CDH12: variants seen among roughly 807,000 people sequenced by gnomAD.
CDH12 encodes cadherin-12.
CDH12 carries 41 observed loss-of-function variants against 74.1 expected under a neutral mutation model. The observed-to-expected ratio is 0.55, with a 90% confidence interval of 0.43 to 0.72. The LOEUF is 0.72. Ranked by LOEUF, CDH12 falls within the 30% of genes least tolerant of loss-of-function variation. The pLI is 0.00. For synonymous variants in CDH12, 399 were observed against 355.0 expected (o/e 1.12, Z -1.39); for missense variants, 945 against 977.2 (o/e 0.97, Z 0.44).
At chr5:22,403,883 A>G (rs1201915291) in intron 3 of CDH12, among the ~76,000 whole-genome samples, 1 of 152,194 alleles carries the variant, frequency 6.6e-6, no homozygotes, top group Admixed American at 6.6e-5. Flanking sequence ...GATTTTTTAA[A>G]ATGACCATCA....
At chr5:22,708,843 G>A (rs1459449905) in intron 1 of CDH12, among the ~76,000 whole-genome samples, 2 of 152,042 alleles carry the variant, frequency 1.3e-5, no homozygotes, top group Non-Finnish European at 2.9e-5. Context: ...TCAGAGAATC[G>A]CAAAAGCACT....
At chr5:22,175,473 A>C (rs1378752937) in intron 4 of CDH12, among the ~76,000 whole-genome samples, 1 of 152,094 alleles carries the variant, frequency 6.6e-6, no homozygotes, top group African/African-American at 2.4e-5. Context: ...GAATGAAAAA[A>C]AATATATGTA....
At chr5:22,219,523 C>A (rs1232144140) in intron 3 of CDH12, among the ~76,000 whole-genome samples, 1 of 151,646 alleles carries the variant, frequency 6.6e-6, no homozygotes, top group Non-Finnish European at 1.5e-5. Flanking sequence ...CTGCTATCTG[C>A]CTTGCTGACT....
In CDH12 at chr5:22,038,558, G is replaced by T. The variant is rs189652158; in HGVS notation, c.231+39888C>A. On this transcript the variant is annotated intron_variant, in intron 5 of 14. Coordinates refer to ENST00000382254, the MANE Select transcript of CDH12 (RefSeq NM_004061.5). ...TCCTTGCTGTGCCCTGTCTCTAGGG[G>T]CCTCTGCTGAAGTTTCACATTGCCT... Among the ~76,000 whole-genome samples, 148 of 152,284 alleles carry T rather than the reference G, an allele frequency of 9.7e-4. 2 individuals are homozygous for T. Among genetic ancestry groups the T allele is most frequent in the Non-Finnish European group, 1.5e-4 (10 of 68,022 alleles).
chr5:22,052,976 G>A (rs572671880), intron 5 of CDH12, among the ~76,000 whole-genome samples: 1 of 151,848 alleles, frequency 6.6e-6, no homozygotes, highest in Non-Finnish European at 1.5e-5. Context: ...TTTTAAAAGA[G>A]ATGCTTAAAG....
intron 2 of CDH12, among the ~76,000 whole-genome samples, chr5:22,423,401 G>GGT (rs1226663407): frequency 6.6e-6 from 1 of 152,066 alleles, no homozygotes; most frequent in Non-Finnish European, 1.5e-5. Flanking sequence ...ATCCAGTCTA[G>GGT]AAAAACTCGT....
Position 22,771,555 on chromosome 5 carries a change from AT to A in CDH12, c.-523+81502del, listed in dbSNP as rs571392220. ...TTTATTACTCCTATAACTGAAAAAA[AT>A]ATTTTTATTTATTCCTTTAGTCTCT... On this transcript the variant is annotated intron_variant, in intron 1 of 14. Transcript: ENST00000382254. Among the ~76,000 whole-genome samples, 8 of 152,258 alleles carry A rather than the reference AT, an allele frequency of 5.3e-5. No individual in the cohort carries two copies. The East Asian group carries it at 1.5e-3, about 29-fold the overall frequency.
intron 1 of CDH12, among the ~76,000 whole-genome samples, chr5:22,659,860 G>T (rs1163229251): frequency 1.3e-5 from 2 of 151,924 alleles, no homozygotes; most frequent in African/African-American, 4.8e-5. Context: ...TCTAAAAATA[G>T]AATTATTTTA....
chr5:22,393,532 A>C (rs1375427080), intron 3 of CDH12, among the ~76,000 whole-genome samples: 1 of 152,190 alleles, frequency 6.6e-6, no homozygotes, highest in East Asian at 1.9e-4. Flanking sequence ...CCGAAAAAAT[A>C]GCTACAACAA....
intron 4 of CDH12, among the ~76,000 whole-genome samples, chr5:22,190,535 T>C (rs1750216874): frequency 2.0e-5 from 3 of 152,282 alleles, no homozygotes; most frequent in East Asian, 1.9e-4. Flanking sequence ...AACAAATACA[T>C]AGAAACAAAC....
chr5:22,352,092 T>G (rs952918636), intron 3 of CDH12, among the ~76,000 whole-genome samples: 1 of 151,914 alleles, frequency 6.6e-6, no homozygotes, highest in African/African-American at 2.4e-5. Flanking sequence ...TATTTAAAGC[T>G]CTATTAAGTG....
At chr5:22,408,834 A>G (rs1185621907) in intron 2 of CDH12, among the ~76,000 whole-genome samples, 1 of 43,722 alleles carries the variant, frequency 2.3e-5, no homozygotes, top group Non-Finnish European at 4.8e-5. Flanking sequence ...TTCTATCTTC[A>G]TTTTATTTTC....
At chr5:22,136,795 C>A (rs962477093) in intron 4 of CDH12, among the ~76,000 whole-genome samples, 1 of 150,698 alleles carries the variant, frequency 6.6e-6, no homozygotes, top group African/African-American at 2.5e-5. Flanking sequence ...ATGCTGATAC[C>A]GTAATCAGAT....
Position 22,111,724 on chromosome 5 carries a change from G to A in CDH12, c.-186-32862C>T, listed in dbSNP as rs189912005. Among the ~76,000 whole-genome samples, 14 of 152,194 alleles carry A rather than the reference G, an allele frequency of 9.2e-5. No homozygotes were observed. In the East Asian group the frequency reaches 1.9e-3, roughly 21 times the overall value. ...TGCTTATGTGGAAGAGACACTTTCCGTTCTCACTGGCCAAAAGATGGCCTA... is the reference window on the plus strand; with the variant it reads ...TGCTTATGTGGAAGAGACACTTTCCATTCTCACTGGCCAAAAGATGGCCTA... On this transcript the variant is annotated intron_variant, in intron 4 of 14. Coordinates refer to ENST00000382254, the MANE Select transcript of CDH12 (RefSeq NM_004061.5).
At chr5:22,357,023 T>C (rs931295721) in intron 3 of CDH12, among the ~76,000 whole-genome samples, 1 of 152,112 alleles carries the variant, frequency 6.6e-6, no homozygotes, top group Non-Finnish European at 1.5e-5. Context: ...TAGCTACACA[T>C]ATTAATTAGG....
chr5:22,397,656 T>C (rs1742514950), intron 3 of CDH12, among the ~76,000 whole-genome samples: 1 of 152,108 alleles, frequency 6.6e-6, no homozygotes, highest in Admixed American at 6.6e-5. Flanking sequence ...GGTAAAGTAG[T>C]AGAATAAGAA....
chr5:22,370,414 G>T (rs886873696), intron 3 of CDH12, among the ~76,000 whole-genome samples: 3 of 152,000 alleles, frequency 2.0e-5, no homozygotes, highest in East Asian at 3.9e-4. Flanking sequence ...ACAAACAATG[G>T]CATCTGTCAA....
At chr5:22,349,828 G>A (rs1458152097) in intron 3 of CDH12, among the ~76,000 whole-genome samples, 3 of 152,070 alleles carry the variant, frequency 2.0e-5, no homozygotes, top group African/African-American at 4.8e-5. Flanking sequence ...TCCGCCTCCC[G>A]GGTTCAGGCC....
chr5:22,343,315 C>CACACAG (rs1554033419), intron 3 of CDH12, among the ~76,000 whole-genome samples: 1 of 123,348 alleles, frequency 8.1e-6, no homozygotes, highest in African/African-American at 3.5e-5. Flanking sequence ...CACACACAGA[C>CACACAG]ACACACACAG....
Sources: gnomAD v4.1 joint callset for allele counts (sites outside exome capture counted in the v4.1 genomes callset) on GRCh38, gnomAD v4.1.1 for gene constraint, MANE v1.5 for transcripts, NCBI Gene and HGNC (gene_info 2026-07-23, HGNC 2026-07-21) for gene names.